The following LRRC49 variants were observed in gnomAD, a reference collection of about 807,000 sequenced individuals.
LRRC49 encodes leucine rich repeat containing 49, also known as leucine-rich repeat-containing protein 49.
LRRC49 carries 50 observed loss-of-function variants against 83.3 expected under a neutral mutation model. The ratio of observed to expected loss-of-function variants is 0.60; its 90% CI spans 0.48 to 0.76. LRRC49 has a LOEUF of 0.76. LRRC49 is among the 30% of genes least tolerant of loss of function. The probability of loss-of-function intolerance (pLI) is 0.00; values close to 1 mark genes in which losing one functional copy is unlikely to be tolerated. For missense variants in LRRC49, 704 were observed against 809.1 expected, an observed-to-expected ratio of 0.87 and a Z score of 1.58; for synonymous variants, 286 against 283.3, an observed-to-expected ratio of 1.01 and a Z score of -0.10.
intron 7 of LRRC49, among the ~76,000 whole-genome samples, 155 bp downstream of exon 7, chr15:70,919,348 A>G (rs1192540428): frequency 2.0e-5 from 3 of 152,214 alleles, no homozygotes; most frequent in African/African-American, 7.2e-5. Flanking sequence ...GCTCTGTAAT[A>G]TGTTGGTTTG....
chr15:70,876,141 C>T lies in LRRC49; in HGVS notation c.18+2918C>T, dbSNP rs187583502. 4.6e-5 allele frequency among the ~76,000 whole-genome samples: 7 copies of T among 152,286 alleles called. No individual in the cohort carries two copies. The East Asian group carries it at 1.4e-3, about 29-fold the overall frequency. On this transcript the variant is annotated intron_variant, in intron 2 of 16. Coordinates refer to the LRRC49 transcript ENST00000544974. ...AGTCTAAAAACTCTCCTTTAGGGATCCTACATCATGGTTTCAACGATCACT... is the reference window on the plus strand; with the variant it reads ...AGTCTAAAAACTCTCCTTTAGGGATTCTACATCATGGTTTCAACGATCACT...
intron 1 of LRRC49, among the ~76,000 whole-genome samples, chr15:70,856,102 C>T (rs1188240008): frequency 2.0e-5 from 3 of 152,188 alleles, no homozygotes; most frequent in Admixed American, 1.3e-4. Context: ...ACAATTCATA[C>T]ATGTCTTTTC....
At chr15:70,968,934 C>G (rs1256591266) in intron 9 of LRRC49, among the ~76,000 whole-genome samples, 1 of 152,050 alleles carries the variant, frequency 6.6e-6, no homozygotes, top group Non-Finnish European at 1.5e-5. Flanking sequence ...CTGTAGGTTA[C>G]CTGTTGACTC....
intron 9 of LRRC49, among the ~76,000 whole-genome samples, chr15:70,966,586 T>C (rs190421957): frequency 5.6e-4 from 85 of 152,286 alleles, no homozygotes; most frequent in African/African-American, 1.8e-3. Context: ...GTAGTTGTGG[T>C]TATTTAAAAA....
At chr15:70,935,288 T>G (rs1295274371) in intron 7 of LRRC49, among the ~76,000 whole-genome samples, 1 of 152,186 alleles carries the variant, frequency 6.6e-6, no homozygotes, top group Non-Finnish European at 1.5e-5. Context: ...GTATTGATTT[T>G]ACACTGTTTA....
intron 13 of LRRC49, among the ~76,000 whole-genome samples, chr15:71,010,557 A>G (rs2038617918): frequency 6.6e-6 from 1 of 152,092 alleles, no homozygotes; most frequent in African/African-American, 2.4e-5. Flanking sequence ...AAATAAGTAT[A>G]AGTAAATGTC....
chr15:71,051,668 T>G lies in LRRC49; in HGVS notation c.*2056T>G, dbSNP rs2039996519. 1 of 152,268 alleles carries G rather than the reference T, an allele frequency of 6.6e-6. No homozygotes were observed. The highest frequency in any genetic ancestry group is 2.1e-4 in the South Asian group (1 of 4,828). 9.4% of individuals were successfully genotyped at this position (152,268 alleles called of 1,614,324 possible). A position where few individuals can be genotyped will look rare whatever the true frequency, so the allele number is the denominator to read the frequency against. On this transcript the variant is annotated 3_prime_UTR_variant, in exon 16 of 16. Transcript: ENST00000260382. ...TTAGTAATCTGTCCAGCTTCCTGCATGTCTGTTCTCCCCTAACCCTCCCAT... is the reference window on the plus strand; with the variant it reads ...TTAGTAATCTGTCCAGCTTCCTGCAGGTCTGTTCTCCCCTAACCCTCCCAT...
intron 1 of LRRC49, among the ~76,000 whole-genome samples, chr15:70,870,260 A>T (rs753925989): frequency 1.3e-5 from 2 of 152,246 alleles, no homozygotes; most frequent in Non-Finnish European, 2.9e-5. Flanking sequence ...AGCAAATTGA[A>T]TTGGGAGGGA....
At chr15:71,000,076 G>A (rs2141250322) in intron 11 of LRRC49, among the ~76,000 whole-genome samples, 1 of 152,366 alleles carries the variant, frequency 6.6e-6, no homozygotes, top group Middle Eastern at 3.4e-3. Context: ...CCAAGCTGGG[G>A]AGTGGGGAAT....
At chr15:70,866,433 C>A (rs2141072916) in intron 1 of LRRC49, among the ~76,000 whole-genome samples, 1 of 152,298 alleles carries the variant, frequency 6.6e-6, no homozygotes, top group African/African-American at 2.4e-5. Flanking sequence ...GCGTGAGCGA[C>A]CACGTCCGGC....
At chr15:71,009,632 G>A in intron 12 of LRRC49, 175 bp from the exon 13 acceptor site, 1 of 479,120 alleles carries the variant, frequency 2.1e-6, no homozygotes, top group South Asian at 4.3e-5. Context: ...TGCATTGGAT[G>A]AATTAAAGTT....
At chr15:70,982,444 G>A (rs2037438059) in intron 10 of LRRC49, among the ~76,000 whole-genome samples, 1 of 152,050 alleles carries the variant, frequency 6.6e-6, no homozygotes, top group Non-Finnish European at 1.5e-5. Flanking sequence ...TTATAGAATG[G>A]GGAAAAAATG....
chr15:71,002,938 C>CTTTTTT (rs1384649066), intron 11 of LRRC49, among the ~76,000 whole-genome samples: 1 of 29,664 alleles, frequency 3.4e-5, no homozygotes, highest in African/African-American at 8.4e-5. Flanking sequence ...TATTTTCTGG[C>CTTTTTT]CTTTTTTTTT....
At chr15:70,928,639 C>T (rs903147026) in intron 7 of LRRC49, among the ~76,000 whole-genome samples, 8 of 152,050 alleles carry the variant, frequency 5.3e-5, no homozygotes, top group African/African-American at 1.9e-4. Flanking sequence ...AGTCTTGGCT[C>T]ACTGCAAGCT....
chr15:70,999,922 C>G (rs531794427), intron 11 of LRRC49, among the ~76,000 whole-genome samples: 1 of 152,174 alleles, frequency 6.6e-6, no homozygotes, highest in Non-Finnish European at 1.5e-5. Flanking sequence ...GATACAAAGG[C>G]AAGCCCTTGA....
At chr15:70,898,696 T>C (rs534548503) in intron 3 of LRRC49, among the ~76,000 whole-genome samples, 1 of 152,000 alleles carries the variant, frequency 6.6e-6, no homozygotes, top group African/African-American at 2.4e-5. Flanking sequence ...GGTAGGAGGA[T>C]CACTTGAGCC....
At chr15:71,028,150 A>G (rs1306441257) in intron 14 of LRRC49, among the ~76,000 whole-genome samples, 1 of 152,224 alleles carries the variant, frequency 6.6e-6, no homozygotes, top group Non-Finnish European at 1.5e-5. Flanking sequence ...AGTTTTTGGC[A>G]TGAAGCGATG....
chr15:71,011,398 T>C (rs1270208490), intron 13 of LRRC49, among the ~76,000 whole-genome samples: 2 of 152,054 alleles, frequency 1.3e-5, no homozygotes, highest in African/African-American at 4.8e-5. Context: ...TTATCAAACT[T>C]TGAATCAGGA....
intron 5 of LRRC49, among the ~76,000 whole-genome samples, chr15:70,910,156 G>GAGTGAAGA (rs1327779452): frequency 6.6e-6 from 1 of 152,068 alleles, no homozygotes; most frequent in African/African-American, 2.4e-5. Flanking sequence ...TGTGATAAGG[G>GAGTGAAGA]AGTGAAGAAG....
Sources: allele counts gnomAD v4.1 joint callset (sites outside exome capture counted in the v4.1 genomes callset), GRCh38; gene constraint gnomAD v4.1.1; transcripts MANE v1.5; gene names NCBI Gene and HGNC (gene_info 2026-07-23, HGNC 2026-07-21).